The following DIP2A variants were observed in gnomAD, a reference collection of about 807,000 sequenced individuals.
DIP2A encodes DIP2 acetate--CoA ligase A.
Under a neutral mutation model 177.4 loss-of-function variants are expected in DIP2A, and 85 were observed. The observed-to-expected ratio is 0.48, with a 90% confidence interval of 0.40 to 0.57. The LOEUF (loss-of-function observed/expected upper bound fraction) is 0.57, where lower values mean the gene tolerates loss of function less well. Ranked by LOEUF, DIP2A falls within the 20% of genes least tolerant of loss-of-function variation. The pLI is 0.00. For synonymous variants in DIP2A, 886 were observed against 881.8 expected, an observed-to-expected ratio of 1.00 and a Z score of -0.08; for missense variants, 1,791 against 2,100.2, an observed-to-expected ratio of 0.85 and a Z score of 2.88.
intron 9 of DIP2A, among the ~76,000 whole-genome samples, chr21:46,529,532 T>C (rs1014453884): frequency 2.0e-5 from 3 of 149,288 alleles, no homozygotes; most frequent in African/African-American, 5.0e-5. Context: ...ACCCAGGAGG[T>C]GGAGGTTGTA....
At chr21:46,550,351 T>G (rs1332034966) in intron 22 of DIP2A, among the ~76,000 whole-genome samples, 192 bp from the exon 23 acceptor site, 1 of 152,214 alleles carries the variant, frequency 6.6e-6, no homozygotes, top group Non-Finnish European at 1.5e-5. Context: ...GTGTTTCCCC[T>G]TTCTGAGTTA....
intron 1 of DIP2A, among the ~76,000 whole-genome samples, chr21:46,476,429 C>G (rs2055851478): frequency 6.6e-6 from 1 of 152,056 alleles, no homozygotes; most frequent in African/African-American, 2.4e-5. Context: ...CTCCACAGTC[C>G]TCTTGGAGAA....
intron 1 of DIP2A, among the ~76,000 whole-genome samples, chr21:46,477,481 T>C (rs1326242937): frequency 6.7e-6 from 1 of 149,016 alleles, no homozygotes; most frequent in Non-Finnish European, 1.5e-5. Context: ...GAGCTGAGAT[T>C]GCGCCACTGC....
intron 17 of DIP2A, among the ~76,000 whole-genome samples, chr21:46,541,546 C>T (rs768769583): frequency 3.3e-5 from 5 of 152,174 alleles, no homozygotes; most frequent in African/African-American, 7.2e-5. Context: ...AGTCACAGGC[C>T]CTTTTCCCAC....
rs539697522 is a variant in DIP2A at position 46,551,531 on chromosome 21, C to T, written c.2840-103C>T. The T allele has an allele frequency of 5.1e-6, 5 of 972,382 alleles. 1 individual carries two copies. In the South Asian group the frequency reaches 6.3e-5, roughly 12 times the overall value. 60.2% of individuals were successfully genotyped at this position (972,382 alleles called of 1,614,324 possible). ...TGTATCTCAGTAGAAGAGTTAAATG[C>T]CTCATTCAAGTATGTTTTCAAAATA... is the stretch of plus-strand genomic sequence containing the variant. On this transcript the variant is annotated intron_variant, in intron 23 of 37. Coordinates refer to ENST00000417564, the MANE Select transcript of DIP2A (RefSeq NM_015151.4).
intron 26 of DIP2A, 76 bp from the exon 27 acceptor site, chr21:46,554,499 T>G (rs2060385359): frequency 3.2e-6 from 5 of 1,575,562 alleles, no homozygotes; most frequent in Non-Finnish European, 4.3e-6. Context: ...CCCTCCTCTC[T>G]CGCAGGAACA....
At chr21:46,529,245 T>G in intron 9 of DIP2A, 62 bp downstream of exon 9, 3 of 1,012,550 alleles carry the variant, frequency 3.0e-6, no homozygotes, top group South Asian at 3.1e-5. Flanking sequence ...ATAATCTGTT[T>G]CATTGAAATT....
chr21:46,551,616 G>C lies in DIP2A; in HGVS notation c.2840-18G>C. ...TGAGAAGTCACCAGCTTTTCATTCA[G>C]AGTTCCCCCGTTTCTAGAGGTTGGA... On this transcript the variant is annotated intron_variant, in intron 23 of 37. Coordinates refer to ENST00000417564, the MANE Select transcript of DIP2A (RefSeq NM_015151.4). 1 of 1,607,396 alleles carries C rather than the reference G, an allele frequency of 6.2e-7. No individual in the cohort carries two copies. The highest frequency in any genetic ancestry group is 2.2e-5 in the East Asian group (1 of 44,792).
intron 1 of DIP2A, among the ~76,000 whole-genome samples, chr21:46,479,518 G>A (rs112457957): frequency 2.6e-5 from 4 of 152,112 alleles, no homozygotes; most frequent in Admixed American, 1.3e-4. Context: ...ACTCTTCAGC[G>A]TTAAGCATAA....
At chr21:46,519,719 A>G (rs1443594621) in intron 8 of DIP2A, among the ~76,000 whole-genome samples, 3 of 152,130 alleles carry the variant, frequency 2.0e-5, no homozygotes, top group African/African-American at 7.2e-5. Flanking sequence ...ATATTCCACA[A>G]CAGTAAAACA....
chr21:46,571,808 A>G (rs575942230), downstream of DIP2A, among the ~76,000 whole-genome samples: 5 of 152,322 alleles, frequency 3.3e-5, no homozygotes, highest in Admixed American at 3.3e-4. Flanking sequence ...GGCTGAGATG[A>G]TGGGGTTTTC....
chr21:46,529,013 G>T (rs1229341415), intron 8 of DIP2A, 79 bp from the exon 9 acceptor site: 1 of 820,382 alleles, frequency 1.2e-6, no homozygotes, highest in Admixed American at 3.3e-5. Flanking sequence ...ATATTTCGGG[G>T]TATTTTGGTT....
At chr21:46,491,088 G>C (rs139604947) in intron 3 of DIP2A, among the ~76,000 whole-genome samples, 254 of 152,228 alleles carry the variant, frequency 1.7e-3, no homozygotes, top group African/African-American at 5.8e-3. Flanking sequence ...GCTAGGTGCA[G>C]GTGTTTTAGT....
chr21:46,565,781 C>T lies in DIP2A; in HGVS notation c.4233C>T (p.Ala1411=), dbSNP rs16979409. ...YTVYGEEALH[A]DHFSARLSFG... ...TTTACGGGGAGGAGGCGCTTCATGC[C>T]GACCACTTCAGTGCCCGGCTGAGTT... is the stretch of plus-strand genomic sequence containing the variant. The change falls in exon 36 of 38, where the codon GCC becomes GCT. Residue 1411 remains alanine, a synonymous_variant. Coordinates refer to ENST00000417564, the MANE Select transcript of DIP2A (RefSeq NM_015151.4). 8.1e-3 allele frequency: 13,014 copies of T among 1,613,942 alleles called. 813 individuals carry two copies. The African/African-American group carries it at 0.15, about 18-fold the overall frequency.
chr21:46,504,290 G>GT, intron 5 of DIP2A, 71 bp from the exon 6 acceptor site: 1 of 1,583,086 alleles, frequency 6.3e-7, no homozygotes, highest in Non-Finnish European at 8.6e-7. Flanking sequence ...GACTAACGGG[G>GT]TTTCAAGAGC....
At chr21:46,575,390 G>A in the DIP2A span, among the ~76,000 whole-genome samples, 27 of 152,264 alleles carry the variant, frequency 1.8e-4, no homozygotes, top group African/African-American at 6.3e-4. Context: ...GACTGCGTTT[G>A]TCACTTCCAC....
intron 6 of DIP2A, among the ~76,000 whole-genome samples, chr21:46,504,800 G>C (rs1365707473): frequency 2.0e-5 from 3 of 152,188 alleles, no homozygotes; most frequent in African/African-American, 7.2e-5. Context: ...GAAGCTGTGG[G>C]AAGTTTCTTT....
At chr21:46,553,340 C>G (rs549379941) in intron 25 of DIP2A, 3 of 152,320 alleles carry the variant, frequency 2.0e-5, no homozygotes, top group South Asian at 4.1e-4. Flanking sequence ...CTGGTCTGCT[C>G]TGGAGTTTTA....
intron 8 of DIP2A, among the ~76,000 whole-genome samples, chr21:46,518,289 C>G (rs1015667573): frequency 6.6e-6 from 1 of 152,116 alleles, no homozygotes; most frequent in Non-Finnish European, 1.5e-5. Context: ...AGTACTAGGT[C>G]TAGGGTTATG....
Sources: allele counts gnomAD v4.1 joint callset (sites outside exome capture counted in the v4.1 genomes callset), GRCh38; gene constraint gnomAD v4.1.1; transcripts MANE v1.5; gene names NCBI Gene and HGNC (gene_info 2026-07-23, HGNC 2026-07-21).